ZNF609: variants seen among roughly 807,000 people sequenced by gnomAD.
ZNF609 encodes the protein zinc finger protein 609.
A neutral mutation model predicts 109.5 loss-of-function variants in ZNF609; 11 were observed. That is an observed-to-expected ratio of 0.10 (90% confidence interval 0.06 to 0.17). ZNF609 has a LOEUF of 0.17. ZNF609 is among the 10% of genes least tolerant of loss of function. The pLI, the probability that ZNF609 is intolerant of heterozygous loss-of-function variation, is 1.00. For synonymous variants in ZNF609, 646 were observed against 662.0 expected (o/e 0.98, Z 0.37); for missense variants, 1,559 against 1,772.4 (o/e 0.88, Z 2.16).
intron 6 of ZNF609, among the ~76,000 whole-genome samples, chr15:64,679,257 A>G (rs1241667522): frequency 6.6e-6 from 1 of 152,084 alleles, no homozygotes; most frequent in African/African-American, 2.4e-5. Context: ...TTTTTAGTAG[A>G]GACGGTGTTC....
intron 3 of ZNF609, among the ~76,000 whole-genome samples, chr15:64,628,473 A>G (rs910991731): frequency 7.9e-5 from 12 of 151,744 alleles, no homozygotes; most frequent in African/African-American, 2.9e-4. Context: ...CCTGGCCAAT[A>G]TGGTGAAACC....
At chr15:64,604,524 A>G (rs571292468) in intron 2 of ZNF609, among the ~76,000 whole-genome samples, 6 of 152,366 alleles carry the variant, frequency 3.9e-5, no homozygotes, top group Non-Finnish European at 8.8e-5. Context: ...TAGAGGTGGT[A>G]TACCACAGGA....
At chr15:64,490,250 C>T (rs1229498580) in intron 1 of ZNF609, among the ~76,000 whole-genome samples, 1 of 148,624 alleles carries the variant, frequency 6.7e-6, no homozygotes, top group African/African-American at 2.5e-5. Context: ...AAGGCATAAG[C>T]CACTGCACCC....
intron 2 of ZNF609, among the ~76,000 whole-genome samples, chr15:64,567,946 C>T (rs1411496996): frequency 6.6e-6 from 1 of 151,844 alleles, no homozygotes; most frequent in Non-Finnish European, 1.5e-5. Flanking sequence ...CAGGCATTAG[C>T]CACGGTACCC....
intron 1 of ZNF609, among the ~76,000 whole-genome samples, chr15:64,485,163 C>T (rs528016677): frequency 6.6e-6 from 1 of 152,064 alleles, no homozygotes; most frequent in East Asian, 1.9e-4. Flanking sequence ...TCTGTTGACC[C>T]CGAAGAAGTA....
intron 2 of ZNF609, among the ~76,000 whole-genome samples, chr15:64,609,118 TTC>T (rs1567028297): frequency 3.7e-5 from 1 of 27,372 alleles, no homozygotes; most frequent in African/African-American, 6.3e-5. Context: ...CTTTCTTTCT[TTC>T]TTTCTTTCTT....
intron 2 of ZNF609, among the ~76,000 whole-genome samples, chr15:64,574,563 A>C (rs994207040): frequency 6.6e-6 from 1 of 152,182 alleles, no homozygotes; most frequent in Non-Finnish European, 1.5e-5. Flanking sequence ...TAAGCAAGAC[A>C]AAATCTGGAC....
intron 2 of ZNF609, among the ~76,000 whole-genome samples, chr15:64,517,112 A>T (rs72741385): frequency 0.048 from 7,325 of 152,210 alleles, 234 homozygotes; most frequent in South Asian, 0.086. Context: ...ACGCTGGCTC[A>T]CTCCTATAAA....
Position 64,608,724 on chromosome 15 carries a change from CGTGT to C in ZNF609, c.748-14082_748-14079del, listed in dbSNP as rs34519391. On this transcript the variant is annotated intron_variant, in intron 2 of 9. Transcript: ENST00000326648. Reference sequence around the variant, plus strand: ...TGTTATATGTGTGTATGCATGCATGCGTGTGTGTGTGTGTGTGTGTGTGTATTTT... The same window carrying C: ...TGTTATATGTGTGTATGCATGCATGCGTGTGTGTGTGTGTGTGTGTATTTT... 2.9e-3 allele frequency among the ~76,000 whole-genome samples: 431 copies of C among 148,460 alleles called. 2 individuals carry two copies. The highest frequency in any genetic ancestry group is 9.8e-3 in the African/African-American group (398 of 40,522).
At chr15:64,667,147 CAAAA>C (rs1274176568) in intron 3 of ZNF609, among the ~76,000 whole-genome samples, 1 of 151,800 alleles carries the variant, frequency 6.6e-6, no homozygotes, top group Non-Finnish European at 1.5e-5. Flanking sequence ...ACAAAACAAA[CAAAA>C]AAACCCTGAG....
chr15:64,658,127 G>A (rs1420547696), intron 3 of ZNF609, among the ~76,000 whole-genome samples: 4 of 152,146 alleles, frequency 2.6e-5, no homozygotes, highest in African/African-American at 9.7e-5. Flanking sequence ...ACAATGCTTG[G>A]CTTTTATGCC....
chr15:64,552,745 G>C (rs1894503910), intron 2 of ZNF609, among the ~76,000 whole-genome samples: 2 of 152,124 alleles, frequency 1.3e-5, no homozygotes, highest in African/African-American at 2.4e-5. Flanking sequence ...AAACTGCTGG[G>C]CTTAAGTGAT....
intron 1 of ZNF609, among the ~76,000 whole-genome samples, chr15:64,462,714 G>A (rs1892961042): frequency 6.6e-6 from 1 of 152,226 alleles, no homozygotes; most frequent in Non-Finnish European, 1.5e-5. Flanking sequence ...ATCTGGGCAA[G>A]GGCTGTGGGA....
Position 64,633,389 on chromosome 15 carries a change from C to T in ZNF609, c.973+10337C>T, listed in dbSNP as rs576643540. Reference sequence around the variant, plus strand: ...CTCAAGCTCCTGGGCTCAAGTGATCCGCCCACTTCAGCCTGCCAAAGTGCT... The same window carrying T: ...CTCAAGCTCCTGGGCTCAAGTGATCTGCCCACTTCAGCCTGCCAAAGTGCT... On this transcript the variant is annotated intron_variant, in intron 3 of 9. Coordinates refer to ENST00000326648, the MANE Select transcript of ZNF609 (RefSeq NM_015042.2). 7.9e-5 allele frequency among the ~76,000 whole-genome samples: 12 copies of T among 152,204 alleles called. No individual in the cohort carries two copies. In the East Asian group the frequency reaches 2.1e-3, roughly 27 times the overall value.
At chr15:64,542,994 G>A (rs1481044264) in intron 2 of ZNF609, among the ~76,000 whole-genome samples, 2 of 152,048 alleles carry the variant, frequency 1.3e-5, no homozygotes, top group Admixed American at 6.6e-5. Flanking sequence ...GCCTGTCAGC[G>A]GGTGGGGGGC....
At chr15:64,524,219 C>T (rs1046856978) in intron 2 of ZNF609, among the ~76,000 whole-genome samples, 15 of 152,108 alleles carry the variant, frequency 9.9e-5, no homozygotes, top group Non-Finnish European at 1.9e-4. Flanking sequence ...TACTTAGCCC[C>T]GGGCAGTCTA....
chr15:64,506,789 C>T (rs1033017975), intron 2 of ZNF609, among the ~76,000 whole-genome samples: 1 of 151,616 alleles, frequency 6.6e-6, no homozygotes, highest in African/African-American at 2.4e-5. Context: ...GTGCCTGGCA[C>T]GTAGGAAGCA....
In ZNF609 at chr15:64,674,441, G is replaced by A. The variant is rs149290272; in HGVS notation, c.1587G>A (p.Ala529=). The change falls in exon 5 of 10, where the codon GCG becomes GCA. Residue 529 remains alanine (A), a synonymous_variant. Transcript: ENST00000326648. The part of the protein sequence containing the change: ...AHTDDDSKPE[A]DGDSEYGEEP... ...CAGATGATGACAGCAAGCCGGAAGC[G>A]GATGGGGACAGTGAGTACGGAGAGG... The A allele has an allele frequency of 1.5e-5, 24 of 1,614,032 alleles. No individual in the cohort carries two copies. The highest frequency in any genetic ancestry group is 3.3e-5 in the Admixed American group (2 of 59,996).
At position 64,485,652 on chromosome 15, in the gene ZNF609, T is replaced by A. The variant is rs539687949; in HGVS notation, c.-127-13641T>A. Among the ~76,000 whole-genome samples, 6 of 151,902 alleles carry A rather than the reference T, an allele frequency of 3.9e-5. No homozygotes were observed. In the South Asian group the frequency reaches 8.3e-4, roughly 21 times the overall value. On this transcript the variant is annotated intron_variant, in intron 1 of 9. Transcript: ENST00000326648. ...ACCCTGTCTACAAAATTTTTTTTTT[T>A]AAATTCACTGGGCATGGTCATGCAC...
Sources: gnomAD v4.1 joint callset for allele counts (sites outside exome capture counted in the v4.1 genomes callset) on GRCh38, gnomAD v4.1.1 for gene constraint, MANE v1.5 for transcripts, NCBI Gene and HGNC (gene_info 2026-07-23, HGNC 2026-07-21) for gene names.